NOS2: variants seen among roughly 807,000 people sequenced by gnomAD.
NOS2 encodes nitric oxide synthase 2, also known as nitric oxide synthase, inducible.
In NOS2, 96 loss-of-function variants were observed where a neutral mutation model predicts 136.0. The observed-to-expected ratio is 0.71, with a 90% CI of 0.60 to 0.84. The LOEUF is 0.84. NOS2 is among the 40% of genes least tolerant of loss of function. The pLI is 0.00. For missense variants in NOS2, 1,237 were observed against 1,496.9 expected, an observed-to-expected ratio of 0.83 and a Z score of 2.87; for synonymous variants, 539 against 587.5, an observed-to-expected ratio of 0.92 and a Z score of 1.20.
chr17:27,772,282 C>T (rs767322294), intron 14 of NOS2, 26 bp downstream of exon 14: 2 of 1,613,332 alleles, frequency 1.2e-6, no homozygotes, highest in South Asian at 1.1e-5. Context: ...GCAGAAAAAA[C>T]AACAGCCATC....
chr17:27,796,769 G>A lies in NOS2; in HGVS notation c.110+1931C>T, dbSNP rs373456561. On this transcript the variant is annotated intron_variant, in intron 2 of 26. Coordinates refer to ENST00000313735, the MANE Select transcript of NOS2 (RefSeq NM_000625.4). ...GAGTCAGGGAGGTCAGCTGGCAGCG[G>A]CTGCAATGATGAGATGAAGAGAAGG... Among the ~76,000 whole-genome samples the A allele has an allele frequency of 2.1e-3, 320 of 152,284 alleles. 1 individual carries two copies. The highest frequency in any genetic ancestry group is 6.4e-3 in the South Asian group (31 of 4,820).
rs532846481 is a variant in NOS2 at position 27,775,601 on chromosome 17, TAAAAAA to T, written c.1282-1156_1282-1151del. 3.3e-5 allele frequency among the ~76,000 whole-genome samples: 5 copies of T among 150,910 alleles called. No homozygotes were observed. In the South Asian group the frequency reaches 8.4e-4, roughly 26 times the overall value. On this transcript the variant is annotated intron_variant, in intron 11 of 26. Transcript: ENST00000313735. ...TGGGTGACAGAGCGAGACTCTGTCT[TAAAAAA>T]AACAAAAACAAAAAAATTTAAAAAT...
Position 27,770,898 on chromosome 17 carries a change from C to A in NOS2, c.1809+15G>T, listed in dbSNP as rs1191568246. On this transcript the variant is annotated intron_variant, in intron 15 of 26. Coordinates refer to ENST00000313735, the MANE Select transcript of NOS2 (RefSeq NM_000625.4). ...CCTACCACCCCCTAGACCAGCCAGA[C>A]CTCAAGCCACCCACCTCTCCATTGC... 1 of 1,605,888 alleles carries A rather than the reference C, an allele frequency of 6.2e-7. No homozygotes were observed. Among genetic ancestry groups the A allele is most frequent in the Non-Finnish European group, 8.5e-7 (1 of 1,173,024 alleles).
At chr17:27,799,843 C>CAGGAAGGAA (rs1223316333) in intron 1 of NOS2, among the ~76,000 whole-genome samples, 3 of 149,222 alleles carry the variant, frequency 2.0e-5, no homozygotes, top group Non-Finnish European at 4.5e-5. Flanking sequence ...GAGGAAAGGA[C>CAGGAAGGAA]AGGAAGGAAA....
chr17:27,765,522 G>A lies in NOS2; in HGVS notation c.2428+13C>T, dbSNP rs778512034. The A allele has an allele frequency of 2.5e-6, 4 of 1,581,012 alleles. No homozygotes were observed. The Admixed American group carries it at 7.0e-5, about 28-fold the overall frequency. On this transcript the variant is annotated intron_variant, in intron 20 of 26. Transcript: ENST00000313735. ...GGTGCCAGGCAGCACTGGCTTTCTAGCCCGGGGCTCACCACTCTCATCCAG... is the reference window on the plus strand; with the variant it reads ...GGTGCCAGGCAGCACTGGCTTTCTAACCCGGGGCTCACCACTCTCATCCAG...
chr17:27,760,630 C>T lies in NOS2; in HGVS notation c.3003G>A (p.Gln1001=), dbSNP rs1405234555. 1.4e-5 allele frequency: 22 copies of T among 1,553,610 alleles called. No individual in the cohort carries two copies. The Admixed American group carries it at 4.3e-4, about 30-fold the overall frequency. ...GGAAGCCTCCAGCCTTACCCTTGTG[C>T]TGGGAGTCATGGAGCCGTTGCTGCC... ...SFWQQRLHDS[Q]HKGVRGGRMT... The change falls in exon 24 of 27, where the codon CAG becomes CAA. Residue 1001 remains glutamine (Q), a synonymous_variant. Coordinates refer to ENST00000313735, the MANE Select transcript of NOS2 (RefSeq NM_000625.4).
At chr17:27,759,954 A>G in intron 25 of NOS2, 76 bp downstream of exon 25, 1 of 1,385,018 alleles carries the variant, frequency 7.2e-7, no homozygotes, top group Non-Finnish European at 9.5e-7. Flanking sequence ...CGGGGAGGCG[A>G]GGGGCCTGTG....
intron 3 of NOS2, among the ~76,000 whole-genome samples, chr17:27,789,374 G>A (rs1909120424): frequency 1.3e-5 from 2 of 152,174 alleles, no homozygotes; most frequent in South Asian, 4.1e-4. Flanking sequence ...GAAGCTAGCT[G>A]TCAGTGCACC....
intron 9 of NOS2, among the ~76,000 whole-genome samples, chr17:27,779,372 T>C (rs541390812): frequency 2.6e-5 from 4 of 151,508 alleles, no homozygotes; most frequent in African/African-American, 7.3e-5. Flanking sequence ...CTCGAACTAC[T>C]GGCCTCAAGT....
chr17:27,781,288 C>T (rs1908840966), intron 7 of NOS2, 111 bp from the exon 8 acceptor site: 2 of 1,254,614 alleles, frequency 1.6e-6, no homozygotes, highest in Non-Finnish European at 2.2e-6. Context: ...GCCCCTGATC[C>T]CAAGCTGACT....
chr17:27,763,047 C>A, intron 21 of NOS2, 42 bp from the exon 22 acceptor site: 4 of 1,361,066 alleles, frequency 2.9e-6, no homozygotes, highest in Admixed American at 2.3e-5. Context: ...GGCGCCTGTC[C>A]CGCTTTGGGG....
chr17:27,795,018 AC>A (rs1419556304), intron 2 of NOS2, among the ~76,000 whole-genome samples: 4 of 146,252 alleles, frequency 2.7e-5, no homozygotes, highest in African/African-American at 1.0e-4. Context: ...CTGCCCAGGC[AC>A]CTCTGCAGTC....
chr17:27,799,083 A>G (rs933893743), intron 1 of NOS2, among the ~76,000 whole-genome samples: 10 of 151,612 alleles, frequency 6.6e-5, no homozygotes, highest in African/African-American at 2.4e-4. Flanking sequence ...GCCACCTAAT[A>G]ATCTTAAGGA....
Position 27,780,879 on chromosome 17 carries a change from TGG to T in NOS2, c.890_891del (p.Pro297GlnfsTer18). The T allele has an allele frequency of 6.2e-7, 1 of 1,613,964 alleles. No homozygotes were observed. The highest frequency in any genetic ancestry group is 8.5e-7 in the Non-Finnish European group (1 of 1,179,932). On this transcript the variant is annotated frameshift_variant, in exon 9 of 27. Coordinates refer to ENST00000313735, the MANE Select transcript of NOS2 (RefSeq NM_000625.4). LOFTEE classifies it high-confidence loss of function. The stretch of plus-strand genomic sequence containing the variant: ...GGGACCACATCGAAGCGGCCGTACT[TGG>T]GCTTCCAGCCCAGGTCGATGCACAG... Reference protein sequence around the residue: ...TQLCIDLGWKPKYGRFDVVPL... With the variant: ...TQLCIDLGWKXKYGRFDVVPL...
rs1453640056 is a variant in NOS2, at chr17:27,779,956, A to G, written c.1004+811T>C. 2.0e-5 allele frequency among the ~76,000 whole-genome samples: 3 copies of G among 152,242 alleles called. No individual in the cohort carries two copies. In the East Asian group the frequency reaches 5.8e-4, roughly 29 times the overall value. On this transcript the variant is annotated intron_variant, in intron 9 of 26. Coordinates refer to ENST00000313735, the MANE Select transcript of NOS2 (RefSeq NM_000625.4). Reference sequence around the variant, plus strand: ...GCACTCTGCTAGCTGTTGGGTATACATTGTGAACAGAAAAGAAAAGATCTC... The same window carrying G: ...GCACTCTGCTAGCTGTTGGGTATACGTTGTGAACAGAAAAGAAAAGATCTC...
At chr17:27,761,052 G>T in intron 23 of NOS2, 92 bp downstream of exon 23, 3 of 1,216,722 alleles carry the variant, frequency 2.5e-6, no homozygotes, top group South Asian at 1.6e-5. Context: ...AAGGGGCTCC[G>T]AGCGTCTCCT....
rs1353150880 is a variant in NOS2, at chr17:27,757,476, A to T, written c.3355-123T>A. On this transcript the variant is annotated intron_variant, in intron 26 of 26. Transcript: ENST00000313735. Reference sequence around the variant, plus strand: ...CTGTCTTCCCAACTGTTATACTTAGATTGTGCTTGAATCTGGTTTAGACCC... The same window carrying T: ...CTGTCTTCCCAACTGTTATACTTAGTTTGTGCTTGAATCTGGTTTAGACCC... The T allele has an allele frequency of 1.5e-5, 12 of 775,630 alleles. No individual in the cohort carries two copies. The East Asian group carries it at 3.2e-4, about 21-fold the overall frequency. 48.0% of individuals were successfully genotyped at this position (775,630 alleles called of 1,614,324 possible). A position where few individuals can be genotyped will look rare whatever the true frequency, so the allele number is the denominator to read the frequency against.
chr17:27,774,907 T>C (rs1255526678), intron 11 of NOS2, among the ~76,000 whole-genome samples: 1 of 152,190 alleles, frequency 6.6e-6, no homozygotes, highest in Non-Finnish European at 1.5e-5. Flanking sequence ...GCCAGACCCC[T>C]CCGTGGGGAG....
intron 9 of NOS2, among the ~76,000 whole-genome samples, chr17:27,779,820 A>T (rs1014196819): frequency 6.6e-6 from 1 of 152,236 alleles, no homozygotes; most frequent in Non-Finnish European, 1.5e-5. Context: ...CATTATCAGA[A>T]TAGAAACATA....
Sources: gnomAD v4.1 joint callset for allele counts (sites outside exome capture counted in the v4.1 genomes callset) on GRCh38, gnomAD v4.1.1 for gene constraint, MANE v1.5 for transcripts, NCBI Gene and HGNC (gene_info 2026-07-23, HGNC 2026-07-21) for gene names.